The following TENM2 variants were observed in gnomAD, a reference collection of about 807,000 sequenced individuals.
TENM2 encodes the protein teneurin-2.
Under a neutral mutation model 245.2 loss-of-function variants are expected in TENM2, and 52 were observed. That is an observed-to-expected ratio of 0.21 (90% CI 0.17 to 0.27). The LOEUF is 0.27. Ranked by LOEUF, TENM2 falls within the 10% of genes least tolerant of loss-of-function variation. The pLI is 1.00. For synonymous variants in TENM2, 1,363 were observed against 1,438.9 expected, an observed-to-expected ratio of 0.95 and a Z score of 1.19; for missense variants, 3,046 against 3,666.8, an observed-to-expected ratio of 0.83 and a Z score of 4.37.
chr5:167,515,630 C>CGT lies in TENM2; in HGVS notation c.502+140157_502+140158insGT, dbSNP rs1273838686. 8.6e-5 allele frequency among the ~76,000 whole-genome samples: 12 copies of CGT among 139,456 alleles called. 2 individuals are homozygous for CGT. The highest frequency in any genetic ancestry group is 1.7e-4 in the Non-Finnish European group (11 of 65,012). 91.5% of individuals were successfully genotyped at this position (139,456 alleles called of 152,430 possible). A position where few individuals can be genotyped will look rare whatever the true frequency, so the allele number is the denominator to read the frequency against. On this transcript the variant is annotated intron_variant, in intron 2 of 28. Coordinates refer to ENST00000518659, the Ensembl canonical transcript of TENM2. ...GGCAATATATATATACATATATATA[C>CGT]ATATATATGTATATATATACACATA...
intron 2 of TENM2, among the ~76,000 whole-genome samples, chr5:167,721,586 C>T (rs1335801265): frequency 6.6e-6 from 1 of 152,176 alleles, no homozygotes; most frequent in African/African-American, 2.4e-5. Flanking sequence ...TGTAGCCTCT[C>T]TTTGAGCCTG....
rs369668348 is a variant in TENM2, at chr5:168,090,789, G to A, written c.1711+20G>A. On this transcript the variant is annotated intron_variant, in intron 8 of 28. Coordinates refer to ENST00000518659, the Ensembl canonical transcript of TENM2. ...TCCTAGGTAGGTGTGGGGTCTCTGAGATGGTACGCCATGAAGGGAAGATGG... is the reference window on the plus strand; with the variant it reads ...TCCTAGGTAGGTGTGGGGTCTCTGAAATGGTACGCCATGAAGGGAAGATGG... The A allele has an allele frequency of 5.0e-6, 8 of 1,596,710 alleles. No homozygotes were observed. The highest frequency in any genetic ancestry group is 6.9e-6 in the Non-Finnish European group (8 of 1,165,016).
At chr5:167,566,960 C>G (rs1444131685) in intron 2 of TENM2, among the ~76,000 whole-genome samples, 1 of 152,104 alleles carries the variant, frequency 6.6e-6, no homozygotes, top group African/African-American at 2.4e-5. Flanking sequence ...CAGACAAAAA[C>G]CAAAATGCCA....
chr5:168,212,747 G>A (rs1311751323), intron 20 of TENM2, among the ~76,000 whole-genome samples: 1 of 152,102 alleles, frequency 6.6e-6, no homozygotes, highest in Non-Finnish European at 1.5e-5. Flanking sequence ...GAAATGCCCT[G>A]GAAGGACATT....
At chr5:167,353,339 T>TGAGGGGGGGGG (rs200412000) in intron 1 of TENM2, among the ~76,000 whole-genome samples, 1 of 145,622 alleles carries the variant, frequency 6.9e-6, no homozygotes, top group African/African-American at 2.7e-5. Context: ...GTGGTGGGGG[T>TGAGGGGGGGGG]GCAGAAAGTT....
intron 2 of TENM2, among the ~76,000 whole-genome samples, chr5:167,651,978 C>G (rs188275950): frequency 6.6e-6 from 1 of 152,320 alleles, no homozygotes; most frequent in East Asian, 1.9e-4. Flanking sequence ...CTCTCTCCCA[C>G]TACTTAATTG....
At chr5:168,120,261 AAGGT>A (rs1795378059) in intron 10 of TENM2, among the ~76,000 whole-genome samples, 1 of 152,200 alleles carries the variant, frequency 6.6e-6, no homozygotes, top group Non-Finnish European at 1.5e-5. Flanking sequence ...TCTATTATAA[AAGGT>A]AGCCTCCCTA....
chr5:167,218,240 A>G, the TENM2 span, among the ~76,000 whole-genome samples: 1 of 152,256 alleles, frequency 6.6e-6, no homozygotes, highest in East Asian at 1.9e-4. Flanking sequence ...GAAGATAATA[A>G]TGTAATGATT....
At chr5:167,840,418 C>T (rs1769395558) in intron 2 of TENM2, among the ~76,000 whole-genome samples, 1 of 152,118 alleles carries the variant, frequency 6.6e-6, no homozygotes, top group African/African-American at 2.4e-5. Context: ...GTATTTCTCC[C>T]ATACAGATCC....
chr5:167,229,282 G>A, the TENM2 span, among the ~76,000 whole-genome samples: 1 of 152,206 alleles, frequency 6.6e-6, no homozygotes, highest in African/African-American at 2.4e-5. Context: ...TTGGCTAATT[G>A]TGCCTGTCCT....
intron 3 of TENM2, among the ~76,000 whole-genome samples, chr5:167,936,931 T>C (rs545149543): frequency 6.6e-6 from 1 of 152,368 alleles, no homozygotes; most frequent in South Asian, 2.1e-4. Context: ...TTCAGCATGG[T>C]ACCTTTGCAA....
intron 2 of TENM2, among the ~76,000 whole-genome samples, chr5:167,747,448 G>T (rs1761668528): frequency 6.6e-6 from 1 of 152,106 alleles, no homozygotes; most frequent in Admixed American, 6.5e-5. Flanking sequence ...ATTAACCTAT[G>T]CTGAAAGAGC....
chr5:168,132,721 A>G (rs2152379854), intron 12 of TENM2, among the ~76,000 whole-genome samples: 1 of 152,324 alleles, frequency 6.6e-6, no homozygotes, highest in South Asian at 2.1e-4. Context: ...AAGAAAGGGG[A>G]CCATGTAATA....
chr5:167,683,304 G>A (rs749643710), intron 2 of TENM2, among the ~76,000 whole-genome samples: 2 of 150,284 alleles, frequency 1.3e-5, no homozygotes, highest in African/African-American at 4.9e-5. Flanking sequence ...AAGTAGATAT[G>A]GCCCTGGCTG....
At chr5:167,461,720 CAAAT>C (rs1464158765) in intron 2 of TENM2, among the ~76,000 whole-genome samples, 5 of 152,118 alleles carry the variant, frequency 3.3e-5, no homozygotes, top group African/African-American at 7.2e-5. Context: ...GGCTCTATGT[CAAAT>C]AAATAAACAT....
intron 2 of TENM2, among the ~76,000 whole-genome samples, chr5:167,808,888 ATAT>A: frequency 6.6e-6 from 1 of 152,332 alleles, no homozygotes; most frequent in Non-Finnish European, 1.5e-5. Flanking sequence ...GTCTATGACA[ATAT>A]TTCGTCAATA....
At chr5:167,711,546 C>G (rs1343238847) in intron 2 of TENM2, among the ~76,000 whole-genome samples, 1 of 152,184 alleles carries the variant, frequency 6.6e-6, no homozygotes, top group Admixed American at 6.5e-5. Context: ...TGTCCCCTGG[C>G]CTTTCACAAT....
chr5:167,315,333 T>G (rs1438190606), intron 1 of TENM2, among the ~76,000 whole-genome samples: 1 of 152,182 alleles, frequency 6.6e-6, no homozygotes, highest in Admixed American at 6.5e-5. Flanking sequence ...TGTTAACTTA[T>G]GTTTAAACAA....
At chr5:167,162,098 A>G in the TENM2 span, among the ~76,000 whole-genome samples, 82 of 150,616 alleles carry the variant, frequency 5.4e-4, 1 homozygote, top group East Asian at 0.016. Context: ...CCCAGGAGGC[A>G]GAGGCTGCAG....
Sources: allele counts gnomAD v4.1 joint callset (sites outside exome capture counted in the v4.1 genomes callset), GRCh38; gene constraint gnomAD v4.1.1; transcripts MANE v1.5; gene names NCBI Gene and HGNC (gene_info 2026-07-23, HGNC 2026-07-21).